The following FANCM variants were observed in gnomAD, a reference collection of about 807,000 sequenced individuals.
The protein encoded by FANCM is FA complementation group M, also known as Fanconi anemia group M protein.
Under a neutral mutation model 199.5 loss-of-function variants are expected in FANCM, and 140 were observed. The ratio of observed to expected loss-of-function variants is 0.70; its 90% CI spans 0.61 to 0.81. FANCM has a LOEUF of 0.81. FANCM is among the 30% of genes least tolerant of loss of function. FANCM has a pLI of 0.00. For synonymous variants in FANCM, 840 were observed against 836.8 expected (o/e 1.00, Z -0.07); for missense variants, 2,410 against 2,421.4 (o/e 1.00, Z 0.10).
At position 45,175,828 on chromosome 14, in the gene FANCM, G is replaced by A. The variant is rs908243528; in HGVS notation, c.3074G>A (p.Cys1025Tyr). The change falls in exon 14 of 23, where the codon TGT becomes TAT. Residue 1025 changes from cysteine to tyrosine, a missense_variant. Physicochemically the swap from Cys to Tyr is radical, Grantham distance 194. Transcript: ENST00000267430. Reference sequence around the variant, plus strand: ...CTTGAGAATTTGCTTTTCTTACCCTGTGCAGAGCATTTACGAAGTGATAAA... The same window carrying A: ...CTTGAGAATTTGCTTTTCTTACCCTATGCAGAGCATTTACGAAGTGATAAA... Reference protein sequence around the residue: ...TALENLLFLPCAEHLRSDKCT... With the variant: ...TALENLLFLPYAEHLRSDKCT... The A allele has an allele frequency of 1.2e-6, 2 of 1,613,758 alleles. No homozygotes were observed. Among genetic ancestry groups the A allele is most frequent in the Non-Finnish European group, 1.7e-6 (2 of 1,179,960 alleles).
intron 3 of FANCM, among the ~76,000 whole-genome samples, chr14:45,144,565 G>A (rs1014499989): frequency 7.9e-5 from 12 of 152,172 alleles, no homozygotes; most frequent in African/African-American, 2.9e-4. Context: ...ACAAGATGAA[G>A]TCCTTCTCAC....
intron 20 of FANCM, among the ~76,000 whole-genome samples, chr14:45,195,143 A>G (rs544795343): frequency 6.6e-6 from 1 of 152,374 alleles, no homozygotes; most frequent in African/African-American, 2.4e-5. Flanking sequence ...ATGGCTTGTC[A>G]TAGTTTCAAA....
At chr14:45,141,478 CCT>C (rs1274331389) in intron 3 of FANCM, among the ~76,000 whole-genome samples, 2 of 130,224 alleles carry the variant, frequency 1.5e-5, no homozygotes, top group Non-Finnish European at 3.2e-5. Flanking sequence ...CCTCCCCTCC[CCT>C]CCCCTCCCCT....
chr14:45,164,825 T>A (rs1005781095), intron 10 of FANCM, among the ~76,000 whole-genome samples: 1 of 152,224 alleles, frequency 6.6e-6, no homozygotes, highest in Non-Finnish European at 1.5e-5. Context: ...TAAAAACCAA[T>A]ATCTATTACT....
chr14:45,170,776 T>TC (rs1888289559), intron 12 of FANCM, 30 bp downstream of exon 12: 1 of 1,586,320 alleles, frequency 6.3e-7, no homozygotes, highest in African/African-American at 1.3e-5. Flanking sequence ...AGATGTTCTT[T>TC]TCCCCCCCCT....
chr14:45,168,145 A>G lies in FANCM; in HGVS notation c.2002+982A>G, dbSNP rs187071508. Reference sequence around the variant, plus strand: ...CTGTTTGTTCCACTGTTGTCATACCATGCATTTTTAAGGTTCTTACCCTCC... The same window carrying G: ...CTGTTTGTTCCACTGTTGTCATACCGTGCATTTTTAAGGTTCTTACCCTCC... On this transcript the variant is annotated intron_variant, in intron 11 of 22. Transcript: ENST00000267430. Among the ~76,000 whole-genome samples, 589 of 152,260 alleles carry G rather than the reference A, an allele frequency of 3.9e-3. 8 individuals are homozygous for G. Among genetic ancestry groups the G allele is most frequent in the Non-Finnish European group, 5.3e-3 (362 of 67,990 alleles).
intron 20 of FANCM, chr14:45,195,360 C>T (rs1026265494): frequency 3.2e-5 from 11 of 342,590 alleles, no homozygotes; most frequent in Admixed American, 1.7e-4. Context: ...GATACCAATT[C>T]GAGATCTTAC....
chr14:45,137,072 C>A lies in FANCM; in HGVS notation c.512C>A (p.Ser171Tyr). Residue 171 changes from serine (S) to tyrosine (Y), a missense_variant, in exon 2 of 23, where the codon TCT becomes TAT. Physicochemically the swap from Ser to Tyr is moderately radical, Grantham distance 144 (BLOSUM62 -2). Transcript: ENST00000267430. Reference sequence around the variant, plus strand: ...AGAATGTCACTTTTATTTTCAGGGTCTACACAAGCTTCCACCAGGAAGGAA... The same window carrying A: ...AGAATGTCACTTTTATTTTCAGGGTATACACAAGCTTCCACCAGGAAGGAA... ...PQSHMAEMTG[S>Y]TQASTRKEIW... 1 of 1,609,884 alleles carries A rather than the reference C, an allele frequency of 6.2e-7. No homozygotes were observed. The highest frequency in any genetic ancestry group is 8.5e-7 in the Non-Finnish European group (1 of 1,176,608).
At chr14:45,149,481 C>T (rs994041784) in intron 4 of FANCM, among the ~76,000 whole-genome samples, 3 of 152,138 alleles carry the variant, frequency 2.0e-5, no homozygotes, top group African/African-American at 7.2e-5. Context: ...AGCAGTTCTC[C>T]TTAGCCTCCC....
chr14:45,167,112 A>C lies in FANCM; in HGVS notation c.1951A>C (p.Lys651Gln), dbSNP rs774816428. 3 of 1,613,940 alleles carry C rather than the reference A, an allele frequency of 1.9e-6. No homozygotes were observed. Among genetic ancestry groups the C allele is most frequent in the Non-Finnish European group, 2.5e-6 (3 of 1,179,848 alleles). ...CACACATGGTGTCTATGAACCAGAG[A>C]AGCCTTCTCGGAACTTGCAGCGAAA... is the stretch of plus-strand genomic sequence containing the variant. Reference protein sequence around the residue: ...FITHGVYEPEKPSRNLQRKSS... With the variant: ...FITHGVYEPEQPSRNLQRKSS... Residue 651 changes from lysine to glutamine, a missense_variant, in exon 11 of 23, where the codon AAG (lysine) becomes CAG (glutamine). Transcript: ENST00000267430.
chr14:45,152,625 G>A (rs1330961016), intron 5 of FANCM, among the ~76,000 whole-genome samples: 1 of 152,220 alleles, frequency 6.6e-6, no homozygotes, highest in Admixed American at 6.5e-5. Flanking sequence ...GGGAATGCCT[G>A]TGCAAAAGAA....
chr14:45,147,120 T>C (rs754384256), intron 3 of FANCM, among the ~76,000 whole-genome samples: 3 of 152,100 alleles, frequency 2.0e-5, no homozygotes, highest in Non-Finnish European at 4.4e-5. Flanking sequence ...AGCAATAAGC[T>C]TAATTTTATA....
chr14:45,185,407 A>G, intron 18 of FANCM, 34 bp downstream of exon 18: 4 of 1,345,458 alleles, frequency 3.0e-6, no homozygotes, highest in Non-Finnish European at 4.1e-6. Flanking sequence ...AATTTTTTTC[A>G]ATGTTTTTAT....
At chr14:45,189,527 G>A (rs541661817) in intron 20 of FANCM, among the ~76,000 whole-genome samples, 165 bp downstream of exon 20, 17 of 152,194 alleles carry the variant, frequency 1.1e-4, no homozygotes, top group Non-Finnish European at 2.2e-4. Context: ...AAAATTATAT[G>A]GGCAATTCAC....
intron 20 of FANCM, among the ~76,000 whole-genome samples, chr14:45,190,924 C>A (rs960582013): frequency 1.3e-5 from 2 of 152,154 alleles, no homozygotes; most frequent in Non-Finnish European, 2.9e-5. Flanking sequence ...TGGCTATCCA[C>A]AGGTGTGATC....
intron 14 of FANCM, among the ~76,000 whole-genome samples, chr14:45,181,222 G>A (rs1889045449): frequency 6.6e-6 from 1 of 152,084 alleles, no homozygotes; most frequent in South Asian, 2.1e-4. Flanking sequence ...AAAAGATATT[G>A]TCTTATTTTC....
At chr14:45,136,708 A>AT (rs1432229719) in intron 1 of FANCM, among the ~76,000 whole-genome samples, 169 bp downstream of exon 1, 1 of 152,226 alleles carries the variant, frequency 6.6e-6, no homozygotes, top group Non-Finnish European at 1.5e-5. Context: ...TCTTCAGAGA[A>AT]TATCTGCAGC....
chr14:45,176,197 G>A lies in FANCM; in HGVS notation c.3443G>A (p.Ser1148Asn). Residue 1148 changes from serine (S) to asparagine (N), a missense_variant, in exon 14 of 23, where the codon AGT becomes AAT. By Grantham distance (46) the Ser-to-Asn change is conservative (BLOSUM62 1). Coordinates refer to ENST00000267430, the MANE Select transcript of FANCM (RefSeq NM_020937.4). ...EDVNTEFDDV[S>N]LSPLNSKSES... is the part of the protein sequence containing the mutation. ...GTTAATACAGAGTTCGACGATGTGA[G>A]TCTTTCACCCTTGAACAGTAAAAGC... 3 of 1,614,102 alleles carry A rather than the reference G, an allele frequency of 1.9e-6. No homozygotes were observed. Among genetic ancestry groups the A allele is most frequent in the Non-Finnish European group, 2.5e-6 (3 of 1,179,974 alleles).
At chr14:45,164,001 G>A (rs901200857) in intron 9 of FANCM, among the ~76,000 whole-genome samples, 3 of 152,222 alleles carry the variant, frequency 2.0e-5, no homozygotes, top group Non-Finnish European at 4.4e-5. Flanking sequence ...CTAGAGTGCA[G>A]TGTCACAGTC....
Sources: allele counts gnomAD v4.1 joint callset (sites outside exome capture counted in the v4.1 genomes callset), GRCh38; gene constraint gnomAD v4.1.1; transcripts MANE v1.5; gene names NCBI Gene and HGNC (gene_info 2026-07-23, HGNC 2026-07-21).